ATP9B: variants seen among roughly 807,000 people sequenced by gnomAD.
ATP9B encodes the protein probable phospholipid-transporting ATPase IIB.
Under a neutral mutation model 146.1 loss-of-function variants are expected in ATP9B, and 110 were observed. The ratio of observed to expected loss-of-function variants is 0.75; its 90% CI spans 0.65 to 0.88. ATP9B has a LOEUF of 0.88. Ranked by LOEUF, ATP9B falls within the 40% of genes least tolerant of loss-of-function variation. The pLI, the probability that ATP9B is intolerant of heterozygous loss-of-function variation, is 0.00. For synonymous variants in ATP9B, 604 were observed against 569.7 expected (o/e 1.06, Z -0.86); for missense variants, 1,499 against 1,496.4 (o/e 1.00, Z -0.03).
intron 7 of ATP9B, among the ~76,000 whole-genome samples, chr18:79,163,997 C>T (rs1045773587): frequency 6.6e-6 from 1 of 152,026 alleles, no homozygotes; most frequent in African/African-American, 2.4e-5. Context: ...TAGCTCACTG[C>T]AGTCTCGAAC....
At chr18:79,364,513 C>T (rs1056339995) in intron 26 of ATP9B, among the ~76,000 whole-genome samples, 1 of 152,092 alleles carries the variant, frequency 6.6e-6, no homozygotes, top group East Asian at 1.9e-4. Flanking sequence ...GGACAATTCG[C>T]CGCCCATGAG....
intron 11 of ATP9B, among the ~76,000 whole-genome samples, chr18:79,219,266 G>A (rs891532326): frequency 2.6e-5 from 4 of 152,116 alleles, no homozygotes; most frequent in Non-Finnish European, 4.4e-5. Context: ...TGTGTTGAGG[G>A]AGCCGGGTCC....
chr18:79,294,901 ACTAT>A (rs1053206733), intron 13 of ATP9B, among the ~76,000 whole-genome samples: 2 of 152,168 alleles, frequency 1.3e-5, no homozygotes, highest in African/African-American at 4.8e-5. Flanking sequence ...CTTTCAGGAG[ACTAT>A]CTGTCTTCTT....
chr18:79,089,227 T>TA (rs1470856898), intron 1 of ATP9B, among the ~76,000 whole-genome samples: 1 of 152,014 alleles, frequency 6.6e-6, no homozygotes, highest in East Asian at 1.9e-4. Flanking sequence ...TGTAACTAAA[T>TA]ACCACCTGTT....
chr18:79,253,127 A>G (rs923904650), intron 11 of ATP9B, among the ~76,000 whole-genome samples: 4 of 152,182 alleles, frequency 2.6e-5, no homozygotes, highest in Non-Finnish European at 5.9e-5. Flanking sequence ...GCCACCCTCC[A>G]GAGGCCGTGT....
chr18:79,275,668 G>A (rs556390749), intron 12 of ATP9B, among the ~76,000 whole-genome samples: 5 of 152,246 alleles, frequency 3.3e-5, no homozygotes, highest in Non-Finnish European at 1.5e-5. Flanking sequence ...AGCACTCCTC[G>A]CCAGGGAGCT....
intron 13 of ATP9B, among the ~76,000 whole-genome samples, chr18:79,294,358 A>C (rs1364175575): frequency 1.3e-5 from 2 of 152,210 alleles, no homozygotes; most frequent in African/African-American, 4.8e-5. Context: ...AGGCGGCCAG[A>C]CACCCTGCTT....
chr18:79,306,969 C>T lies in ATP9B; in HGVS notation c.1525-17C>T, dbSNP rs751778838. ...CTTTGCTCTATCTTTAATTATGTGA[C>T]GTTTCATATTCTAAAGATGCAGTCT... On this transcript the variant is annotated splice_polypyrimidine_tract_variant and intron_variant, in intron 14 of 29. Coordinates refer to ENST00000426216, the MANE Select transcript of ATP9B (RefSeq NM_198531.5). 8.1e-6 allele frequency: 13 copies of T among 1,612,504 alleles called. No individual in the cohort carries two copies. The highest frequency in any genetic ancestry group is 3.3e-5 in the Admixed American group (2 of 59,924).
intron 15 of ATP9B, among the ~76,000 whole-genome samples, chr18:79,327,369 C>CT (rs2096753397): frequency 6.6e-6 from 1 of 152,190 alleles, no homozygotes; most frequent in Non-Finnish European, 1.5e-5. Context: ...AGAGGAGACC[C>CT]TGAGGGAAGC....
intron 7 of ATP9B, among the ~76,000 whole-genome samples, chr18:79,170,777 G>A (rs570387252): frequency 9.3e-4 from 141 of 152,316 alleles, no homozygotes; most frequent in Non-Finnish European, 1.7e-3. Context: ...TGAGCTACTT[G>A]ATTATAAGCA....
intron 15 of ATP9B, among the ~76,000 whole-genome samples, chr18:79,320,211 A>G (rs1236074942): frequency 6.6e-6 from 1 of 152,256 alleles, no homozygotes; most frequent in Non-Finnish European, 1.5e-5. Context: ...CGGTGAGCAC[A>G]GTGCACCTGG....
intron 1 of ATP9B, among the ~76,000 whole-genome samples, chr18:79,094,985 C>T (rs1488864407): frequency 6.6e-6 from 1 of 152,180 alleles, no homozygotes; most frequent in Non-Finnish European, 1.5e-5. Context: ...TGCTGTTTCT[C>T]TTTGAGTTTT....
At chr18:79,306,921 T>C (rs1473101632) in intron 14 of ATP9B, 65 bp from the exon 15 acceptor site, 14 of 1,549,794 alleles carry the variant, frequency 9.0e-6, no homozygotes, top group Non-Finnish European at 1.2e-5. Context: ...ATGTTAATAA[T>C]TCCATGTTAA....
At chr18:79,337,145 TAC>T (rs1246754641) in intron 18 of ATP9B, 132 bp from the exon 19 acceptor site, 2 of 1,158,440 alleles carry the variant, frequency 1.7e-6, no homozygotes, top group African/African-American at 1.8e-5. Flanking sequence ...CTCTGTGGAG[TAC>T]ACACACAGCA....
At chr18:79,180,103 C>T (rs751682828) in intron 8 of ATP9B, among the ~76,000 whole-genome samples, 6 of 152,110 alleles carry the variant, frequency 3.9e-5, no homozygotes, top group Non-Finnish European at 8.8e-5. Context: ...TTAGTATTTA[C>T]ATGGTTTATC....
chr18:79,125,583 T>G (rs1363170984), intron 4 of ATP9B, among the ~76,000 whole-genome samples: 1 of 152,186 alleles, frequency 6.6e-6, no homozygotes, highest in Non-Finnish European at 1.5e-5. Context: ...GAGATTGACT[T>G]GAAGAATATT....
At chr18:79,238,811 A>G (rs1339395201) in intron 11 of ATP9B, among the ~76,000 whole-genome samples, 1 of 152,166 alleles carries the variant, frequency 6.6e-6, no homozygotes, top group Non-Finnish European at 1.5e-5. Context: ...ATAGATTTCC[A>G]AAGAGGGAAA....
chr18:79,176,917 A>G lies in ATP9B; in HGVS notation c.873+10A>G, dbSNP rs1243682277. On this transcript the variant is annotated intron_variant, in intron 8 of 29. Transcript: ENST00000426216. ...GCTGCCGGCTCTGGGGGTGAGCAGCACCAAGACTACTCCATCCTTTTATCT... is the reference window on the plus strand; with the variant it reads ...GCTGCCGGCTCTGGGGGTGAGCAGCGCCAAGACTACTCCATCCTTTTATCT... The G allele has an allele frequency of 6.2e-7, 1 of 1,610,232 alleles. No homozygotes were observed. The highest frequency in any genetic ancestry group is 1.3e-5 in the African/African-American group (1 of 74,842).
intron 11 of ATP9B, among the ~76,000 whole-genome samples, chr18:79,222,006 C>T (rs2095684909): frequency 6.6e-6 from 1 of 151,702 alleles, no homozygotes; most frequent in Non-Finnish European, 1.5e-5. Context: ...TAACTCATAT[C>T]CCTAGACCCT....
Sources: gnomAD v4.1 joint callset for allele counts (sites outside exome capture counted in the v4.1 genomes callset) on GRCh38, gnomAD v4.1.1 for gene constraint, MANE v1.5 for transcripts, NCBI Gene and HGNC (gene_info 2026-07-23, HGNC 2026-07-21) for gene names.